Variants in STAT4 observed in about 807,000 individuals in gnomAD.
The protein encoded by STAT4 is signal transducer and activator of transcription 4.
A neutral mutation model predicts 110.5 loss-of-function variants in STAT4; 42 were observed. The ratio of observed to expected loss-of-function variants is 0.38; its 90% CI spans 0.30 to 0.49. The LOEUF is 0.49. Ranked by LOEUF, STAT4 falls within the 20% of genes least tolerant of loss-of-function variation. STAT4 has a pLI of 0.95. For missense variants in STAT4, 632 were observed against 887.9 expected (o/e 0.71, Z 3.66); for synonymous variants, 284 against 302.2 (o/e 0.94, Z 0.63).
At position 191,053,925 on chromosome 2, in the gene STAT4, C is replaced by A. The variant is rs55914627; in HGVS notation, c.1251+565G>T. ...GGTGGATCACTTGAGCCAAGGGGTT[C>A]AAGACCAGCCTGGGAAACATGGTGG... On this transcript the variant is annotated intron_variant, in intron 14 of 23. Coordinates refer to ENST00000392320, the MANE Select transcript of STAT4 (RefSeq NM_003151.4). The surrounding 1 kb of genome is among the most constrained non-coding windows in gnomAD (Gnocchi z 4.5). Among the ~76,000 whole-genome samples the A allele has an allele frequency of 8.7e-3, 1,324 of 152,096 alleles. 26 individuals carry two copies. The highest frequency in any genetic ancestry group is 0.03 in the African/African-American group (1,253 of 41,484).
chr2:191,129,180 A>G (rs1035516944), intron 3 of STAT4, among the ~76,000 whole-genome samples: 3 of 152,236 alleles, frequency 2.0e-5, no homozygotes, highest in African/African-American at 7.2e-5. Flanking sequence ...TGTAAAAATG[A>G]AGACATGAAT....
At chr2:191,136,021 A>AC (rs1392442005) in intron 3 of STAT4, among the ~76,000 whole-genome samples, 2 of 135,442 alleles carry the variant, frequency 1.5e-5, no homozygotes, top group Non-Finnish European at 3.2e-5. Context: ...AAAAAAAAAA[A>AC]ACCAAAAAAC....
In STAT4 at chr2:191,046,040, T is replaced by G. The variant is rs185607367; in HGVS notation, c.1252-4892A>C. Among the ~76,000 whole-genome samples the G allele has an allele frequency of 7.7e-4, 117 of 152,174 alleles. No individual in the cohort carries two copies. Among genetic ancestry groups the G allele is most frequent in the Admixed American group, 1.7e-3 (26 of 15,272 alleles). ...AACAATAGAAAATCTCACTGCCCAC[T>G]AGGGAGGGGATGCTTACACTATGCA... On this transcript the variant is annotated intron_variant, in intron 14 of 23. Transcript: ENST00000392320. The surrounding 1 kb of genome is among the most constrained non-coding windows in gnomAD (Gnocchi z 4.6).
intron 3 of STAT4, among the ~76,000 whole-genome samples, chr2:191,100,308 G>A (rs1698118123): frequency 6.6e-6 from 1 of 152,092 alleles, no homozygotes; most frequent in Admixed American, 6.6e-5. Flanking sequence ...GGAAACTGAA[G>A]GGATTGCTAA....
chr2:191,100,841 T>C (rs1434197612), intron 3 of STAT4, among the ~76,000 whole-genome samples: 7 of 151,998 alleles, frequency 4.6e-5, no homozygotes, highest in Non-Finnish European at 1.0e-4. Flanking sequence ...ACCTCTGGGC[T>C]TGATAATGGA....
chr2:191,149,910 A>G (rs1281086882), intron 1 of STAT4, among the ~76,000 whole-genome samples: 1 of 152,202 alleles, frequency 6.6e-6, no homozygotes, highest in Non-Finnish European at 1.5e-5. Context: ...GGTAGATGGG[A>G]GGAATAAGTT....
At chr2:191,130,735 T>G (rs1699013158) in intron 3 of STAT4, among the ~76,000 whole-genome samples, 1 of 151,766 alleles carries the variant, frequency 6.6e-6, no homozygotes, top group Admixed American at 6.6e-5. Context: ...GTGATTTCTT[T>G]TAATTTGTGG....
rs557732765 is a variant in STAT4, at chr2:191,077,396, G to A, written c.274-1071C>T. Among the ~76,000 whole-genome samples, 27 of 152,242 alleles carry A rather than the reference G, an allele frequency of 1.8e-4. No individual in the cohort carries two copies. The highest frequency in any genetic ancestry group is 1.0e-3 in the South Asian group (5 of 4,830). On this transcript the variant is annotated intron_variant, in intron 3 of 23. Coordinates refer to ENST00000392320, the MANE Select transcript of STAT4 (RefSeq NM_003151.4). This position sits in a 1 kb window ranked among gnomAD's most constrained non-coding sequence, Gnocchi z 4.1. ...AACAACACTATCAATTTAGTCAATA[G>A]TATTAAATTTCTTTGTTACTGGACT...
At chr2:191,120,698 GCA>G in intron 3 of STAT4, among the ~76,000 whole-genome samples, 1 of 152,148 alleles carries the variant, frequency 6.6e-6, no homozygotes, top group Non-Finnish European at 1.5e-5. Context: ...TTAATAAATG[GCA>G]CTGGGAAAAC....
At chr2:191,109,436 G>A (rs1268616812) in intron 3 of STAT4, among the ~76,000 whole-genome samples, 2 of 152,062 alleles carry the variant, frequency 1.3e-5, no homozygotes, top group Non-Finnish European at 2.9e-5. Context: ...CCAAGGCTCT[G>A]TGTTCGGTTT....
chr2:191,045,117 G>GA (rs1197599113), intron 14 of STAT4, among the ~76,000 whole-genome samples: 2 of 152,154 alleles, frequency 1.3e-5, no homozygotes, highest in African/African-American at 2.4e-5. Flanking sequence ...TAGAAAATCA[G>GA]AAGTTAGACA....
At chr2:191,133,262 T>C (rs1699092692) in intron 3 of STAT4, among the ~76,000 whole-genome samples, 1 of 151,622 alleles carries the variant, frequency 6.6e-6, no homozygotes, top group Admixed American at 6.6e-5. Flanking sequence ...AAGTCACTTA[T>C]TGAGCACCTA....
Position 191,035,374 on chromosome 2 carries a change from G to C in STAT4, c.1571-777C>G, listed in dbSNP as rs2125148324. Among the ~76,000 whole-genome samples the C allele has an allele frequency of 6.6e-6, 1 of 152,340 alleles. No individual in the cohort carries two copies. The highest frequency in any genetic ancestry group is 2.1e-4 in the South Asian group (1 of 4,828). On this transcript the variant is annotated intron_variant, in intron 17 of 23. Transcript: ENST00000392320. This position sits in a 1 kb window ranked among gnomAD's most constrained non-coding sequence, Gnocchi z 4.7. Reference sequence around the variant, plus strand: ...GGTACCTATTGATCCAAGAGTAGATGCAAGTGGCAAGCATCCCAGCACCAT... The same window carrying C: ...GGTACCTATTGATCCAAGAGTAGATCCAAGTGGCAAGCATCCCAGCACCAT...
Position 191,033,791 on chromosome 2 carries a change from T to C in STAT4, c.1715+120A>G, listed in dbSNP as rs1574692741. On this transcript the variant is annotated intron_variant, in intron 19 of 23. Transcript: ENST00000392320. This position sits in a 1 kb window ranked among gnomAD's most constrained non-coding sequence, Gnocchi z 6.9. ...GTGCCACTCCACAAAGAATAAGAAA[T>C]TGCAACTATTTTTTTCTGTGGTACT... 1 of 1,327,888 alleles carries C rather than the reference T, an allele frequency of 7.5e-7. No homozygotes were observed. Among genetic ancestry groups the C allele is most frequent in the African/African-American group, 1.5e-5 (1 of 67,472 alleles). The allele number at this position is 1,327,888 out of a possible 1,614,324, so 82.3% of individuals were successfully genotyped here.
chr2:191,092,328 C>T (rs982147945), intron 3 of STAT4, among the ~76,000 whole-genome samples: 4 of 152,094 alleles, frequency 2.6e-5, no homozygotes, highest in East Asian at 3.9e-4. Flanking sequence ...TGCTTGAACC[C>T]GGGAGGTGGA....
At chr2:191,114,451 C>A (rs1008063065) in intron 3 of STAT4, among the ~76,000 whole-genome samples, 1 of 152,058 alleles carries the variant, frequency 6.6e-6, no homozygotes, top group African/African-American at 2.4e-5. Context: ...AAAGAAGAAA[C>A]GATATATTTA....
rs1699475354 is a variant in STAT4 at position 191,146,859 on chromosome 2, A to G, written c.129-102T>C. On this transcript the variant is annotated intron_variant, in intron 2 of 23. Transcript: ENST00000392320. The surrounding 1 kb of genome is among the most constrained non-coding windows in gnomAD (Gnocchi z 4.5). ...AACAATAAACCTATTACATGGTGATAAGCATTTAAAAGTTTTAAAAAATTA... is the reference window on the plus strand; with the variant it reads ...AACAATAAACCTATTACATGGTGATGAGCATTTAAAAGTTTTAAAAAATTA... 1 of 1,112,456 alleles carries G rather than the reference A, an allele frequency of 9.0e-7. No individual in the cohort carries two copies. Among genetic ancestry groups the G allele is most frequent in the East Asian group, 3.0e-5 (1 of 33,764 alleles). 68.9% of individuals were successfully genotyped at this position (1,112,456 alleles called of 1,614,324 possible).
chr2:191,106,571 G>A (rs916530374), intron 3 of STAT4, among the ~76,000 whole-genome samples: 4 of 151,634 alleles, frequency 2.6e-5, no homozygotes, highest in Non-Finnish European at 4.4e-5. Flanking sequence ...CAGGAGAATC[G>A]CTTGAACCTG....
intron 14 of STAT4, among the ~76,000 whole-genome samples, chr2:191,049,892 G>T (rs1696472446): frequency 1.3e-5 from 2 of 152,190 alleles, no homozygotes; most frequent in African/African-American, 4.8e-5. Context: ...TCAAAAAAGT[G>T]TTGCAACTCT....
Sources: allele counts gnomAD v4.1 joint callset (sites outside exome capture counted in the v4.1 genomes callset), GRCh38; gene constraint gnomAD v4.1.1; non-coding constraint Gnocchi (gnomAD v3.1); transcripts MANE v1.5; gene names NCBI Gene and HGNC (gene_info 2026-07-23, HGNC 2026-07-21).